The following EXOC4 variants were observed in gnomAD, a reference collection of about 807,000 sequenced individuals.
EXOC4 encodes exocyst complex component 4.
A neutral mutation model predicts 107.2 loss-of-function variants in EXOC4; 71 were observed. The ratio of observed to expected loss-of-function variants is 0.66; its 90% CI spans 0.55 to 0.81. The LOEUF (loss-of-function observed/expected upper bound fraction) is 0.81, where lower values mean the gene tolerates loss of function less well. EXOC4 is among the 30% of genes least tolerant of loss of function. EXOC4 has a pLI of 0.00. For synonymous variants in EXOC4, 456 were observed against 441.2 expected, an observed-to-expected ratio of 1.03 and a Z score of -0.42; for missense variants, 1,108 against 1,189.6, an observed-to-expected ratio of 0.93 and a Z score of 1.01.
At chr7:133,683,312 A>G (rs997641720) in intron 10 of EXOC4, among the ~76,000 whole-genome samples, 8 of 152,164 alleles carry the variant, frequency 5.3e-5, no homozygotes, top group Admixed American at 1.3e-4. Flanking sequence ...TGCTTGGGCC[A>G]TAATTGAGCA....
In EXOC4 at chr7:133,857,141, C is replaced by T. The variant is rs1010362795; in HGVS notation, c.1735-38458C>T. ...ATATATATATGTATATATATATACACATACACGTATATATATATATATATA... is the reference window on the plus strand; with the variant it reads ...ATATATATATGTATATATATATACATATACACGTATATATATATATATATA... On this transcript the variant is annotated intron_variant, in intron 11 of 17. Coordinates refer to ENST00000253861, the MANE Select transcript of EXOC4 (RefSeq NM_021807.4). Among the ~76,000 whole-genome samples the T allele has an allele frequency of 2.1e-3, 102 of 47,848 alleles. 4 individuals carry two copies. The highest frequency in any genetic ancestry group is 2.3e-3 in the Non-Finnish European group (63 of 27,132). 31.4% of individuals were successfully genotyped at this position (47,848 alleles called of 152,430 possible). A position where few individuals can be genotyped will look rare whatever the true frequency, so the allele number is the denominator to read the frequency against.
intron 11 of EXOC4, among the ~76,000 whole-genome samples, chr7:133,851,748 T>C (rs1798243815): frequency 6.6e-6 from 1 of 152,208 alleles, no homozygotes; most frequent in Non-Finnish European, 1.5e-5. Context: ...ATTTAAGGCA[T>C]CATAGCTGTG....
intron 17 of EXOC4, among the ~76,000 whole-genome samples, chr7:134,017,294 C>T (rs1469707435): frequency 6.6e-6 from 1 of 151,912 alleles, no homozygotes; most frequent in Admixed American, 6.6e-5. Flanking sequence ...AATGATGATG[C>T]CCCTTAAAAT....
chr7:133,964,880 T>A (rs941077649), intron 14 of EXOC4, among the ~76,000 whole-genome samples: 1 of 152,188 alleles, frequency 6.6e-6, no homozygotes, highest in Non-Finnish European at 1.5e-5. Flanking sequence ...GTATTTCTGG[T>A]TCTAGATCTG....
intron 11 of EXOC4, among the ~76,000 whole-genome samples, chr7:133,865,170 T>G (rs1013945952): frequency 6.6e-6 from 1 of 152,138 alleles, no homozygotes; most frequent in Non-Finnish European, 1.5e-5. Flanking sequence ...TTTTATCAGA[T>G]TTAAGGTGGA....
At chr7:133,941,581 G>A (rs11773892) in intron 14 of EXOC4, among the ~76,000 whole-genome samples, 1 of 151,792 alleles carries the variant, frequency 6.6e-6, no homozygotes. Context: ...CACACCAAAG[G>A]TACCACTCTT....
In EXOC4 at chr7:133,480,416, C is replaced by A. The variant is rs1799127093; in HGVS notation, c.1417+278C>A. 3.3e-6 allele frequency: 4 copies of A among 1,204,554 alleles called. No homozygotes were observed. In the East Asian group the frequency reaches 1.6e-4, roughly 50 times the overall value. The allele number at this position is 1,204,554 out of a possible 1,614,324, so 74.6% of individuals were successfully genotyped here. A position where few individuals can be genotyped will look rare whatever the true frequency, so the allele number is the denominator to read the frequency against. On this transcript the variant is annotated intron_variant, in intron 9 of 17. Coordinates refer to ENST00000253861, the MANE Select transcript of EXOC4 (RefSeq NM_021807.4). ...TCTTGCTTAAACAGAAGACCTGAGT[C>A]CAGTCACAATCTAGGAGAATGTTGG... is the stretch of plus-strand genomic sequence containing the variant.
intron 10 of EXOC4, among the ~76,000 whole-genome samples, chr7:133,796,896 C>T (rs890823182): frequency 6.6e-6 from 1 of 152,220 alleles, no homozygotes; most frequent in Non-Finnish European, 1.5e-5. Flanking sequence ...ACGCTGCCAT[C>T]TGTCTGCCGA....
chr7:133,256,366 G>A (rs536094832), intron 1 of EXOC4, among the ~76,000 whole-genome samples: 2 of 152,204 alleles, frequency 1.3e-5, no homozygotes, highest in African/African-American at 4.8e-5. Context: ...TCTCCCAAAG[G>A]CTATAGTTTT....
chr7:133,736,281 ACTCTTT>A (rs1795443467), intron 10 of EXOC4, among the ~76,000 whole-genome samples: 1 of 151,644 alleles, frequency 6.6e-6, no homozygotes, highest in African/African-American at 2.4e-5. Flanking sequence ...CACTGACTCT[ACTCTTT>A]CTCTTTTGAA....
At chr7:133,448,741 A>G (rs963572010) in intron 7 of EXOC4, among the ~76,000 whole-genome samples, 6 of 152,206 alleles carry the variant, frequency 3.9e-5, no homozygotes, top group African/African-American at 1.4e-4. Context: ...TTGCAGATGC[A>G]GTCAAATTAA....
chr7:133,438,510 G>C (rs1798027509), intron 7 of EXOC4, among the ~76,000 whole-genome samples: 1 of 152,044 alleles, frequency 6.6e-6, no homozygotes, highest in African/African-American at 2.4e-5. Context: ...AATATACTCT[G>C]GTTTCAAGCT....
intron 14 of EXOC4, among the ~76,000 whole-genome samples, chr7:133,994,252 A>T (rs1036286487): frequency 1.3e-5 from 2 of 152,170 alleles, no homozygotes; most frequent in African/African-American, 2.4e-5. Context: ...GCTGAGGATG[A>T]TGGTTTCCAG....
chr7:133,963,330 A>G (rs1800989103), intron 14 of EXOC4, among the ~76,000 whole-genome samples: 1 of 152,274 alleles, frequency 6.6e-6, no homozygotes, highest in African/African-American at 2.4e-5. Flanking sequence ...AGTACATTTT[A>G]GGGTATACAT....
intron 11 of EXOC4, among the ~76,000 whole-genome samples, chr7:133,839,488 AT>A: frequency 6.6e-6 from 1 of 152,198 alleles, no homozygotes; most frequent in Non-Finnish European, 1.5e-5. Flanking sequence ...CTCTTAATAA[AT>A]TCATTTTCAC....
rs762250922 is a variant in EXOC4, at chr7:133,404,870, C to T, written c.1182+29868C>T. Among the ~76,000 whole-genome samples the T allele has an allele frequency of 1.1e-3, 82 of 71,632 alleles. No individual in the cohort carries two copies. In the South Asian group the frequency reaches 0.016, roughly 14 times the overall value. The allele number at this position is 71,632 out of a possible 152,430, so 47.0% of individuals were successfully genotyped here. A position where few individuals can be genotyped will look rare whatever the true frequency, so the allele number is the denominator to read the frequency against. On this transcript the variant is annotated intron_variant, in intron 7 of 17. Coordinates refer to ENST00000253861, the MANE Select transcript of EXOC4 (RefSeq NM_021807.4). ...AGTGAGACTGCGCCTCCACCCCCTGCGCCCCCCCCCCCAATACACACACAC... is the reference window on the plus strand; with the variant it reads ...AGTGAGACTGCGCCTCCACCCCCTGTGCCCCCCCCCCCAATACACACACAC...
intron 9 of EXOC4, among the ~76,000 whole-genome samples, chr7:133,575,103 A>G (rs1007197076): frequency 2.2e-4 from 34 of 152,138 alleles, no homozygotes; most frequent in Admixed American, 6.5e-4. Flanking sequence ...TTTTTCCCCA[A>G]AAGAAGTCAG....
chr7:133,601,627 A>G (rs772916494), intron 9 of EXOC4, among the ~76,000 whole-genome samples: 2 of 152,168 alleles, frequency 1.3e-5, no homozygotes, highest in Admixed American at 1.3e-4. Context: ...AAAAAGAGAA[A>G]TCCCCTAGAA....
intron 10 of EXOC4, among the ~76,000 whole-genome samples, chr7:133,672,042 C>A (rs1793958034): frequency 6.6e-6 from 1 of 152,168 alleles, no homozygotes; most frequent in Non-Finnish European, 1.5e-5. Flanking sequence ...TGTTTTATAT[C>A]TTCACTGTTC....
Sources: gnomAD v4.1 joint callset for allele counts (sites outside exome capture counted in the v4.1 genomes callset) on GRCh38, gnomAD v4.1.1 for gene constraint, MANE v1.5 for transcripts, NCBI Gene and HGNC (gene_info 2026-07-23, HGNC 2026-07-21) for gene names.